TBC1D1: variants seen among roughly 807,000 people sequenced by gnomAD.
The protein encoded by TBC1D1 is TBC1 (tre-2/USP6, BUB2, cdc16) domain family, member 1.
In TBC1D1, 89 loss-of-function variants were observed where a neutral mutation model predicts 125.6. That is an observed-to-expected ratio of 0.71 (90% CI 0.60 to 0.85). The LOEUF (loss-of-function observed/expected upper bound fraction) is 0.85, where lower values mean the gene tolerates loss of function less well. Ranked by LOEUF, TBC1D1 falls within the 40% of genes least tolerant of loss-of-function variation. The pLI, the probability that TBC1D1 is intolerant of heterozygous loss-of-function variation, is 0.00. For missense variants in TBC1D1, 1,377 were observed against 1,469.2 expected, an observed-to-expected ratio of 0.94 and a Z score of 1.03; for synonymous variants, 565 against 564.1, an observed-to-expected ratio of 1.00 and a Z score of -0.02.
intron 12 of TBC1D1, among the ~76,000 whole-genome samples, chr4:38,065,331 GT>G (rs1428363328): frequency 6.6e-6 from 1 of 152,094 alleles, no homozygotes; most frequent in Non-Finnish European, 1.5e-5. Flanking sequence ...CAGTTACTGG[GT>G]TACGCCCCCA....
At position 37,926,328 on chromosome 4, in the gene TBC1D1, C is replaced by T. The variant is rs139518395; in HGVS notation, c.417+23816C>T. On this transcript the variant is annotated intron_variant, in intron 2 of 19. Coordinates refer to ENST00000261439, the MANE Select transcript of TBC1D1 (RefSeq NM_015173.4). Reference sequence around the variant, plus strand: ...TTGCTGTGGCTGCTCAATGCCTTAGCGTTGCTCTATAGGGCTGCTCAAGCC... The same window carrying T: ...TTGCTGTGGCTGCTCAATGCCTTAGTGTTGCTCTATAGGGCTGCTCAAGCC... 5.3e-4 allele frequency among the ~76,000 whole-genome samples: 80 copies of T among 152,294 alleles called. 1 individual carries two copies. The highest frequency in any genetic ancestry group is 2.2e-3 in the Admixed American group (33 of 15,294).
At chr4:38,120,296 A>C (rs1030577783) in intron 17 of TBC1D1, among the ~76,000 whole-genome samples, 1 of 152,196 alleles carries the variant, frequency 6.6e-6, no homozygotes, top group African/African-American at 2.4e-5. Context: ...TCAAGGCCGC[A>C]CTGGCTTGTG....
chr4:38,087,863 G>GA (rs367742093), intron 12 of TBC1D1, among the ~76,000 whole-genome samples: 3,378 of 83,202 alleles, frequency 0.041, 60 homozygotes, highest in East Asian at 0.069. Flanking sequence ...AAAAAAAAAA[G>GA]AAAAAAAAAA....
chr4:37,981,662 A>G (rs1022771630), intron 2 of TBC1D1, among the ~76,000 whole-genome samples: 1 of 152,170 alleles, frequency 6.6e-6, no homozygotes, highest in Non-Finnish European at 1.5e-5. Flanking sequence ...GAAGGGAGGT[A>G]TGGCTGGAAT....
chr4:38,135,023 G>T (rs1766248052), intron 19 of TBC1D1, among the ~76,000 whole-genome samples: 1 of 152,158 alleles, frequency 6.6e-6, no homozygotes, highest in African/African-American at 2.4e-5. Context: ...GTATCGATTT[G>T]TGGTGTTTGG....
At chr4:38,109,559 C>G (rs1379679667) in intron 15 of TBC1D1, among the ~76,000 whole-genome samples, 2 of 152,142 alleles carry the variant, frequency 1.3e-5, no homozygotes, top group Admixed American at 1.3e-4. Flanking sequence ...ACTAGTCCTC[C>G]CACACCCCAT....
chr4:37,917,198 G>A (rs1026777650), intron 2 of TBC1D1, among the ~76,000 whole-genome samples: 5 of 151,874 alleles, frequency 3.3e-5, no homozygotes, highest in African/African-American at 1.2e-4. Context: ...TGTGGGCCAG[G>A]CATGGTGGCT....
At position 37,977,888 on chromosome 4, in the gene TBC1D1, ACCCCGCGTGTCTC is replaced by A. The variant is rs1175813698; in HGVS notation, c.418-36618_418-36606del. Among the ~76,000 whole-genome samples the A allele has an allele frequency of 3.3e-5, 5 of 151,452 alleles. No individual in the cohort carries two copies. The highest frequency in any genetic ancestry group is 7.4e-5 in the Non-Finnish European group (5 of 67,852). On this transcript the variant is annotated intron_variant, in intron 2 of 19. Coordinates refer to ENST00000261439, the MANE Select transcript of TBC1D1 (RefSeq NM_015173.4). This position sits in a 1 kb window ranked among gnomAD's most constrained non-coding sequence, Gnocchi z 4.3. ...CCGGCGCGGGACCTCGCGGAAGTCGACCCCGCGTGTCTCCCTCGCGGGTGTCGCCCTCGTGTGT... is the reference window on the plus strand; with the variant it reads ...CCGGCGCGGGACCTCGCGGAAGTCGACCTCGCGGGTGTCGCCCTCGTGTGT...
chr4:37,998,166 T>A (rs899908153), intron 2 of TBC1D1, among the ~76,000 whole-genome samples: 1 of 152,182 alleles, frequency 6.6e-6, no homozygotes, highest in African/African-American at 2.4e-5. Context: ...AGATCGTCAC[T>A]TCTCTCTCCT....
At chr4:38,011,473 C>T (rs1033461603) in intron 2 of TBC1D1, among the ~76,000 whole-genome samples, 2 of 151,944 alleles carry the variant, frequency 1.3e-5, no homozygotes, top group Non-Finnish European at 2.9e-5. Flanking sequence ...TCTTAGTATA[C>T]TTGACTAACT....
At chr4:37,932,251 A>G (rs1723413700) in intron 2 of TBC1D1, among the ~76,000 whole-genome samples, 1 of 152,206 alleles carries the variant, frequency 6.6e-6, no homozygotes, top group Admixed American at 6.5e-5. Context: ...TTCATGATGC[A>G]TTGTTTATCC....
At chr4:37,946,999 AT>A (rs1287478877) in intron 2 of TBC1D1, among the ~76,000 whole-genome samples, 1 of 152,224 alleles carries the variant, frequency 6.6e-6, no homozygotes, top group Non-Finnish European at 1.5e-5. Flanking sequence ...GGTAAATGGC[AT>A]GCGACTCAAC....
chr4:37,961,032 C>G, intron 2 of TBC1D1: 1 of 1,613,022 alleles, frequency 6.2e-7, no homozygotes, highest in Non-Finnish European at 8.5e-7. Flanking sequence ...TTTGCTATGA[C>G]ATAGATATTT....
chr4:37,895,255 T>C (rs1053343985), intron 1 of TBC1D1, among the ~76,000 whole-genome samples: 2 of 152,220 alleles, frequency 1.3e-5, no homozygotes, highest in African/African-American at 4.8e-5. Flanking sequence ...TTGGTAACTA[T>C]TCTTTTTACT....
chr4:37,939,668 A>G (rs904687898), intron 2 of TBC1D1, among the ~76,000 whole-genome samples: 4 of 152,214 alleles, frequency 2.6e-5, no homozygotes, highest in Non-Finnish European at 5.9e-5. Context: ...CTAAGATTTA[A>G]GTCTTTAACC....
At chr4:38,067,116 C>G (rs35486983) in intron 12 of TBC1D1, among the ~76,000 whole-genome samples, 4,990 of 152,242 alleles carry the variant, frequency 0.033, 112 homozygotes, top group Non-Finnish European at 0.052. Flanking sequence ...ACTTTGTGAT[C>G]TGCCCGCCTC....
At chr4:38,136,204 A>G (rs1392519791) in intron 19 of TBC1D1, among the ~76,000 whole-genome samples, 1 of 152,178 alleles carries the variant, frequency 6.6e-6, no homozygotes, top group African/African-American at 2.4e-5. Context: ...CAAATTAGAG[A>G]GACGAGGGAC....
intron 12 of TBC1D1, 152 bp from the exon 15 acceptor site, chr4:38,089,780 C>T (rs1189730168): frequency 1.3e-6 from 1 of 741,708 alleles, no homozygotes; most frequent in African/African-American, 1.8e-5. Flanking sequence ...TCAGACGTGG[C>T]TTATGCCAAT....
Position 37,945,512 on chromosome 4 carries a change from C to CAAAA in TBC1D1, c.417+43036_417+43039dup, listed in dbSNP as rs59557310. On this transcript the variant is annotated intron_variant, in intron 2 of 19. Coordinates refer to ENST00000261439, the MANE Select transcript of TBC1D1 (RefSeq NM_015173.4). ...TGGGCAACAGAGAGAGACTCCACCT[C>CAAAA]AAAAAAAAAAAAAAAAAAAAAAAAA... Among the ~76,000 whole-genome samples the CAAAA allele has an allele frequency of 5.8e-4, 12 of 20,694 alleles. 3 individuals are homozygous for CAAAA. Among genetic ancestry groups the CAAAA allele is most frequent in the East Asian group, 1.4e-3 (1 of 714 alleles). 13.6% of individuals were successfully genotyped at this position (20,694 alleles called of 152,430 possible). A position where few individuals can be genotyped will look rare whatever the true frequency, so the allele number is the denominator to read the frequency against.
Sources: allele counts gnomAD v4.1 joint callset (sites outside exome capture counted in the v4.1 genomes callset), GRCh38; gene constraint gnomAD v4.1.1; non-coding constraint Gnocchi (gnomAD v3.1); transcripts MANE v1.5; gene names NCBI Gene and HGNC (gene_info 2026-07-23, HGNC 2026-07-21).